Variants in SHANK2 observed in about 807,000 individuals in gnomAD.
SHANK2 encodes SH3 and multiple ankyrin repeat domains 2.
SHANK2 carries 43 observed loss-of-function variants against 133.7 expected under a neutral mutation model. The observed-to-expected ratio is 0.32, with a 90% CI of 0.25 to 0.41. SHANK2 has a LOEUF of 0.41. Ranked by LOEUF, SHANK2 falls within the 10% of genes least tolerant of loss-of-function variation. The pLI is 1.00. For missense variants in SHANK2, 1,994 were observed against 2,235.8 expected (o/e 0.89, Z 2.18); for synonymous variants, 1,017 against 952.8 (o/e 1.07, Z -1.24).
At chr11:70,910,148 C>T (rs192689235) in intron 10 of SHANK2, among the ~76,000 whole-genome samples, 1 of 152,174 alleles carries the variant, frequency 6.6e-6, no homozygotes, top group Admixed American at 6.5e-5. Flanking sequence ...ACTTAATTAC[C>T]TCTTCAAAGG....
In SHANK2 at chr11:70,479,166, G is replaced by C. The variant is rs2058701322; in HGVS notation, c.4980-5727C>G. Among the ~76,000 whole-genome samples, 1 of 152,174 alleles carries C rather than the reference G, an allele frequency of 6.6e-6. No individual in the cohort carries two copies. Among genetic ancestry groups the C allele is most frequent in the Non-Finnish European group, 1.5e-5 (1 of 68,044 alleles). On this transcript the variant is annotated intron_variant, in intron 25 of 25. Coordinates refer to ENST00000601538, the MANE Select transcript of SHANK2 (RefSeq NM_012309.5). This position sits in a 1 kb window ranked among gnomAD's most constrained non-coding sequence, Gnocchi z 4.4. ...CCAGCCACCCACAGTCGCATTCACT[G>C]ATGTCACATTCACTTTTCCATCAGG...
In SHANK2 at chr11:71,147,123, C is replaced by T; in HGVS notation, c.204G>A (p.Gln68=). The T allele has an allele frequency of 6.5e-7, 1 of 1,546,900 alleles. No homozygotes were observed. Among genetic ancestry groups the T allele is most frequent in the Non-Finnish European group, 8.7e-7 (1 of 1,146,004 alleles). The change falls in exon 3 of 26, where the codon CAG becomes CAA. Residue 68 remains glutamine, a synonymous_variant. Coordinates refer to ENST00000601538, the MANE Select transcript of SHANK2 (RefSeq NM_012309.5). ...AAGGGCAGACCACGGGGCTCACCGT[C>T]TGCTGCAGGTCATGGATGACCACGC... ...VIRVVIHDLQ[Q]TKCIRFNPDA...
chr11:71,112,564 C>G (rs902659493), intron 5 of SHANK2, among the ~76,000 whole-genome samples: 18 of 152,150 alleles, frequency 1.2e-4, no homozygotes, highest in South Asian at 2.1e-4. Context: ...GGCAGCTGCC[C>G]GGACTCTCCA....
At chr11:70,574,151 CG>C (rs1565143351) in intron 17 of SHANK2, among the ~76,000 whole-genome samples, 1 of 152,260 alleles carries the variant, frequency 6.6e-6, no homozygotes, top group African/African-American at 2.4e-5. Context: ...GCACTCATGG[CG>C]GCCCCTGCCC....
chr11:71,080,163 C>A (rs1951278656), intron 8 of SHANK2, among the ~76,000 whole-genome samples: 3 of 151,998 alleles, frequency 2.0e-5, no homozygotes, highest in Admixed American at 6.5e-5. Flanking sequence ...CAAAACACTG[C>A]CCTTGACACC....
chr11:70,795,928 A>G (rs1385906642), intron 14 of SHANK2, among the ~76,000 whole-genome samples: 2 of 152,196 alleles, frequency 1.3e-5, no homozygotes, highest in African/African-American at 4.8e-5. Flanking sequence ...TGAGACTCAC[A>G]CCCGCATCAG....
At chr11:70,716,182 C>T (rs1357247238) in intron 14 of SHANK2, among the ~76,000 whole-genome samples, 2 of 152,166 alleles carry the variant, frequency 1.3e-5, no homozygotes, top group Admixed American at 6.5e-5. Flanking sequence ...CGAAGAAGGC[C>T]GATGATAATC....
intron 10 of SHANK2, among the ~76,000 whole-genome samples, chr11:70,919,463 C>A (rs1555080414): frequency 2.6e-5 from 4 of 151,830 alleles, no homozygotes; most frequent in African/African-American, 7.3e-5. Flanking sequence ...CTCACTGCAA[C>A]CTCCGCCTCC....
chr11:70,642,537 G>A (rs1332299947), intron 17 of SHANK2, among the ~76,000 whole-genome samples: 5 of 152,160 alleles, frequency 3.3e-5, no homozygotes, highest in East Asian at 1.9e-4. Context: ...CTGTCTAATC[G>A]CAGTTGAGGC....
intron 17 of SHANK2, among the ~76,000 whole-genome samples, chr11:70,612,657 T>A (rs971273854): frequency 7.9e-5 from 12 of 152,204 alleles, no homozygotes; most frequent in Non-Finnish European, 1.6e-4. Context: ...GGCAGCCACC[T>A]TCCTCCCTGC....
At chr11:70,517,520 A>T (rs2059280368) in intron 17 of SHANK2, among the ~76,000 whole-genome samples, 1 of 152,204 alleles carries the variant, frequency 6.6e-6, no homozygotes, top group Non-Finnish European at 1.5e-5. Context: ...ACGGAATATT[A>T]GTTAGCACTA....
chr11:70,837,120 A>G (rs1427251474), intron 11 of SHANK2, among the ~76,000 whole-genome samples: 1 of 152,230 alleles, frequency 6.6e-6, no homozygotes, highest in Non-Finnish European at 1.5e-5. Context: ...AACTTCGAGA[A>G]AAATGTTTCT....
intron 14 of SHANK2, among the ~76,000 whole-genome samples, chr11:70,722,670 G>A (rs1946096242): frequency 6.6e-6 from 1 of 152,206 alleles, no homozygotes; most frequent in Non-Finnish European, 1.5e-5. Context: ...TATTAGAGGT[G>A]AGAACCACAG....
chr11:70,874,848 G>C (rs985654162), intron 11 of SHANK2, among the ~76,000 whole-genome samples: 2 of 152,066 alleles, frequency 1.3e-5, no homozygotes, highest in Non-Finnish European at 2.9e-5. Flanking sequence ...CAAATCTACC[G>C]TGTAATAGCA....
chr11:70,854,661 A>C (rs1358934543), intron 11 of SHANK2, among the ~76,000 whole-genome samples: 1 of 152,238 alleles, frequency 6.6e-6, no homozygotes, highest in Non-Finnish European at 1.5e-5. Flanking sequence ...ATGCAGGCCC[A>C]CACAGTGAAA....
At chr11:70,545,256 C>T (rs2059676434) in intron 17 of SHANK2, among the ~76,000 whole-genome samples, 1 of 152,274 alleles carries the variant, frequency 6.6e-6, no homozygotes, top group South Asian at 2.1e-4. Flanking sequence ...CATTGCTAAT[C>T]AGCTCCTTTG....
intron 1 of SHANK2, among the ~76,000 whole-genome samples, chr11:71,228,272 C>T (rs1456549163): frequency 6.6e-6 from 1 of 152,154 alleles, no homozygotes; most frequent in African/African-American, 2.4e-5. Flanking sequence ...TTTTAAACTC[C>T]AGTTTTTTTG....
intron 17 of SHANK2, among the ~76,000 whole-genome samples, chr11:70,602,996 C>G (rs764627772): frequency 2.0e-5 from 3 of 152,164 alleles, no homozygotes; most frequent in Non-Finnish European, 2.9e-5. Context: ...TGGCAGAGGT[C>G]GGCAAAGAAT....
chr11:70,862,986 G>A (rs1949285965), intron 11 of SHANK2: 1 of 301,288 alleles, frequency 3.3e-6, no homozygotes, highest in African/African-American at 2.2e-5. Flanking sequence ...AGGGACTCAG[G>A]GACATGGGCT....
Sources: allele counts gnomAD v4.1 joint callset (sites outside exome capture counted in the v4.1 genomes callset), GRCh38; gene constraint gnomAD v4.1.1; non-coding constraint Gnocchi (gnomAD v3.1); transcripts MANE v1.5; gene names NCBI Gene and HGNC (gene_info 2026-07-23, HGNC 2026-07-21).